The following CSMD1 variants were observed in gnomAD, a reference collection of about 807,000 sequenced individuals.
CSMD1 encodes the protein CUB and sushi domain-containing protein 1.
A neutral mutation model predicts 417.5 loss-of-function variants in CSMD1; 213 were observed. The observed-to-expected ratio is 0.51, with a 90% CI of 0.46 to 0.57. The LOEUF is 0.57. CSMD1 is among the 20% of genes least tolerant of loss of function. CSMD1 has a pLI of 0.00. For synonymous variants in CSMD1, 2,862 were observed against 1,736.8 expected (o/e 1.65, Z -16.11); for missense variants, 6,923 against 4,529.7 (o/e 1.53, Z -15.17).
intron 27 of CSMD1, among the ~76,000 whole-genome samples, chr8:3,229,336 A>G (rs550972916): frequency 6.6e-6 from 1 of 152,204 alleles, no homozygotes; most frequent in Non-Finnish European, 1.5e-5. Flanking sequence ...GACTTAGATG[A>G]TATACTCTAA....
intron 3 of CSMD1, among the ~76,000 whole-genome samples, chr8:4,339,912 C>A (rs935961775): frequency 6.6e-6 from 1 of 152,010 alleles, no homozygotes; most frequent in East Asian, 1.9e-4. Context: ...GTAGTCCTGG[C>A]TCCTAAGGGG....
At chr8:4,518,975 C>CT (rs1166779121) in intron 2 of CSMD1, among the ~76,000 whole-genome samples, 1 of 152,042 alleles carries the variant, frequency 6.6e-6, no homozygotes, top group Non-Finnish European at 1.5e-5. Context: ...TGCAAAGAGA[C>CT]TCCCCACTTT....
intron 5 of CSMD1, among the ~76,000 whole-genome samples, chr8:3,987,256 G>T (rs1222338458): frequency 6.6e-6 from 1 of 152,132 alleles, no homozygotes; most frequent in Non-Finnish European, 1.5e-5. Flanking sequence ...ATGCTCAAAG[G>T]CTACACACAG....
At chr8:3,644,244 C>T (rs1436135159) in intron 7 of CSMD1, among the ~76,000 whole-genome samples, 1 of 152,194 alleles carries the variant, frequency 6.6e-6, no homozygotes, top group African/African-American at 2.4e-5. Context: ...GTTGAGGTGA[C>T]ACTAACAGTT....
At chr8:3,166,160 T>G in intron 37 of CSMD1, among the ~76,000 whole-genome samples, 1 of 152,116 alleles carries the variant, frequency 6.6e-6, no homozygotes, top group East Asian at 1.9e-4. Flanking sequence ...AATTCTCTTT[T>G]TAGACTTTTA....
intron 10 of CSMD1, among the ~76,000 whole-genome samples, chr8:3,542,550 C>T (rs966831214): frequency 9.9e-5 from 15 of 152,182 alleles, no homozygotes; most frequent in African/African-American, 2.4e-4. Context: ...GGAAGGAACA[C>T]GGAACAGGGT....
At chr8:3,455,167 T>C (rs1816022848) in intron 12 of CSMD1, among the ~76,000 whole-genome samples, 1 of 152,174 alleles carries the variant, frequency 6.6e-6, no homozygotes, top group Non-Finnish European at 1.5e-5. Context: ...TTCCATTAGG[T>C]CCTTTAAGGA....
chr8:3,903,523 G>C (rs905317184), intron 5 of CSMD1, among the ~76,000 whole-genome samples: 3 of 152,166 alleles, frequency 2.0e-5, no homozygotes, highest in Non-Finnish European at 2.9e-5. Flanking sequence ...TACAGATACA[G>C]TAATTGCCGG....
chr8:4,796,761 T>C (rs1798002955), intron 1 of CSMD1, among the ~76,000 whole-genome samples: 1 of 152,218 alleles, frequency 6.6e-6, no homozygotes, highest in Non-Finnish European at 1.5e-5. Flanking sequence ...GGAGCCGAAT[T>C]CAGTCCCCTT....
At chr8:3,034,688 G>C (rs761429414) in intron 50 of CSMD1, among the ~76,000 whole-genome samples, 5 of 152,134 alleles carry the variant, frequency 3.3e-5, no homozygotes, top group African/African-American at 1.2e-4. Flanking sequence ...CTTCTGTTAT[G>C]TTCTTACTTT....
At chr8:4,359,767 C>G (rs1801645624) in intron 3 of CSMD1, among the ~76,000 whole-genome samples, 1 of 152,184 alleles carries the variant, frequency 6.6e-6, no homozygotes, top group Non-Finnish European at 1.5e-5. Flanking sequence ...GGGTCCACGT[C>G]AAGGAGTTGG....
chr8:4,907,433 A>G (rs1383636801), intron 1 of CSMD1, among the ~76,000 whole-genome samples: 3 of 152,244 alleles, frequency 2.0e-5, no homozygotes, highest in African/African-American at 7.2e-5. Flanking sequence ...GGCAAAATAC[A>G]TAAATATCCT....
chr8:4,546,525 G>C (rs927912399), intron 2 of CSMD1, among the ~76,000 whole-genome samples: 7 of 152,142 alleles, frequency 4.6e-5, no homozygotes, highest in African/African-American at 1.4e-4. Context: ...CTTTTCCAGA[G>C]CTGGGACCTC....
chr8:3,732,888 CATCT>C (rs1293370204), intron 6 of CSMD1, among the ~76,000 whole-genome samples: 2 of 151,904 alleles, frequency 1.3e-5, no homozygotes, highest in Non-Finnish European at 2.9e-5. Flanking sequence ...TCTATCCATC[CATCT>C]ATCATCTATC....
chr8:2,957,769 G>A lies in CSMD1; in HGVS notation c.9741C>T (p.Tyr3247=), dbSNP rs1803122482. The change falls in exon 63 of 70, where the codon TAC becomes TAT. Residue 3247 remains tyrosine (Y), a synonymous_variant. Transcript: ENST00000635120. ...TGCGAGTCGTGGAACCTTGAATATG[G>A]TAGCCTTTTCTGCACCTGAAAAAAA... ...STVFFRCRKG[Y]HIQGSTTRTC... 6.3e-7 allele frequency: 1 copy of A among 1,596,506 alleles called. No homozygotes were observed. Among genetic ancestry groups the A allele is most frequent in the South Asian group, 1.1e-5 (1 of 87,780 alleles).
chr8:3,351,346 C>G (rs889330952), intron 21 of CSMD1, among the ~76,000 whole-genome samples: 3 of 151,844 alleles, frequency 2.0e-5, no homozygotes, highest in Non-Finnish European at 4.4e-5. Context: ...CGTGGTGACC[C>G]ATGCCTGTAA....
At chr8:4,977,937 A>C (rs1458181627) in intron 1 of CSMD1, among the ~76,000 whole-genome samples, 1 of 152,164 alleles carries the variant, frequency 6.6e-6, no homozygotes, top group Non-Finnish European at 1.5e-5. Context: ...AAGACCTCAC[A>C]AGCTATTTGT....
At chr8:3,713,842 G>T (rs963553446) in intron 6 of CSMD1, among the ~76,000 whole-genome samples, 1 of 152,148 alleles carries the variant, frequency 6.6e-6, no homozygotes, top group Admixed American at 6.6e-5. Context: ...GGAGAAATGG[G>T]TGAAAAATAT....
At chr8:4,387,070 C>A (rs6985778) in intron 3 of CSMD1, among the ~76,000 whole-genome samples, 44 of 152,020 alleles carry the variant, frequency 2.9e-4, no homozygotes, top group African/African-American at 1.0e-3. Flanking sequence ...AAAACGGATG[C>A]ACAGAATTTC....
Sources: allele counts gnomAD v4.1 joint callset (sites outside exome capture counted in the v4.1 genomes callset), GRCh38; gene constraint gnomAD v4.1.1; transcripts MANE v1.5; gene names NCBI Gene and HGNC (gene_info 2026-07-23, HGNC 2026-07-21).